Variants in HSCB observed in about 807,000 individuals in gnomAD.
The protein encoded by HSCB is iron-sulfur cluster co-chaperone protein HscB.
In HSCB, 23 loss-of-function variants were observed where a neutral mutation model predicts 31.3. The observed-to-expected ratio is 0.74, with a 90% CI of 0.53 to 1.04. The LOEUF (loss-of-function observed/expected upper bound fraction) is 1.04, where lower values mean the gene tolerates loss of function less well. HSCB is among the 50% of genes least tolerant of loss of function. The pLI is 0.00. For synonymous variants in HSCB, 110 were observed against 104.5 expected (o/e 1.05, Z -0.32); for missense variants, 297 against 288.1 (o/e 1.03, Z -0.22).
chr22:28,742,605 A>T, intron 1 of HSCB: 2 of 412,170 alleles, frequency 4.9e-6, no homozygotes, highest in Non-Finnish European at 4.4e-6. Context: ...GGCCGAGGCT[A>T]GAGGGGAGGG....
At chr22:28,749,733 G>A (rs2030088258) in intron 4 of HSCB, among the ~76,000 whole-genome samples, 2 of 152,118 alleles carry the variant, frequency 1.3e-5, no homozygotes, top group African/African-American at 4.8e-5. Flanking sequence ...TGGGTTGTAG[G>A]GATAAGAGAA....
Position 28,742,982 on chromosome 22 carries a change from T to C in HSCB, c.236+651T>C, listed in dbSNP as rs1424235051. ...TCTGGGAGTAGAATGTGAAAGGGGC[T>C]GAATTAAAATAAACCGGGAGAGACA... is the stretch of plus-strand genomic sequence containing the variant. On this transcript the variant is annotated intron_variant, in intron 1 of 5. Coordinates refer to ENST00000216027, the MANE Select transcript of HSCB (RefSeq NM_172002.5). 2.0e-5 allele frequency among the ~76,000 whole-genome samples: 3 copies of C among 151,906 alleles called. No individual in the cohort carries two copies. In the East Asian group the frequency reaches 5.8e-4, roughly 29 times the overall value.
At chr22:28,753,509 CAA>C (rs777896442) in intron 5 of HSCB, among the ~76,000 whole-genome samples, 20 of 149,056 alleles carry the variant, frequency 1.3e-4, no homozygotes, top group South Asian at 1.3e-3. Flanking sequence ...GCCTGGGCGA[CAA>C]GAGAAAAACT....
intron 2 of HSCB, 54 bp downstream of exon 2, chr22:28,744,032 C>A: frequency 7.7e-7 from 1 of 1,303,006 alleles, no homozygotes; most frequent in Non-Finnish European, 1.1e-6. Flanking sequence ...CACTGGGTGG[C>A]AGTAGCCTTG....
intron 5 of HSCB, among the ~76,000 whole-genome samples, chr22:28,752,303 C>T (rs540940789): frequency 5.3e-5 from 8 of 150,840 alleles, no homozygotes; most frequent in Non-Finnish European, 1.0e-4. Flanking sequence ...CGCAGTGGCG[C>T]GCCTGTAATC....
In HSCB at chr22:28,757,189, T is replaced by TA; in HGVS notation, c.*26dup. The TA allele has an allele frequency of 3.7e-6, 5 of 1,334,906 alleles. No individual in the cohort carries two copies. The highest frequency in any genetic ancestry group is 5.4e-6 in the Non-Finnish European group (5 of 930,902). 82.7% of individuals were successfully genotyped at this position (1,334,906 alleles called of 1,614,324 possible). On this transcript the variant is annotated 3_prime_UTR_variant, in exon 6 of 6. Transcript: ENST00000216027. ...CTTTAATTGTGGATAGTTTAAAGTT[T>TA]AAAAAATAAAGTTCTTGCTGGGCAC...
chr22:28,751,246 CAGAA>C lies in HSCB; in HGVS notation c.579_582del (p.Lys193AsnfsTer6), dbSNP rs759591862. On this transcript the variant is annotated frameshift_variant, in exon 5 of 6. Transcript: ENST00000216027. LOFTEE classifies it high-confidence loss of function. ...AGAATGGTTTTCTTTTTCAGCTAAACAGAAAGAATTTACTGACAATGTGAGCAGT... is the reference window on the plus strand; with the variant it reads ...AGAATGGTTTTCTTTTTCAGCTAAACAGAATTTACTGACAATGTGAGCAGT... 1.1e-5 allele frequency: 17 copies of C among 1,592,900 alleles called. No individual in the cohort carries two copies. Among genetic ancestry groups the C allele is most frequent in the East Asian group, 2.2e-5 (1 of 44,634 alleles).
At chr22:28,751,345 T>C (rs189435445) in intron 5 of HSCB, 57 bp downstream of exon 5, 13 of 1,021,292 alleles carry the variant, frequency 1.3e-5, no homozygotes, top group East Asian at 1.2e-4. Flanking sequence ...CACTGAAGCA[T>C]AGCCATTCAT....
At chr22:28,749,765 G>C (rs953740611) in intron 4 of HSCB, among the ~76,000 whole-genome samples, 1 of 152,106 alleles carries the variant, frequency 6.6e-6, no homozygotes, top group Non-Finnish European at 1.5e-5. Context: ...GCAGTCAGTG[G>C]GCTCAGCTGC....
intron 2 of HSCB, among the ~76,000 whole-genome samples, chr22:28,744,290 G>A (rs996450279): frequency 3.9e-5 from 6 of 152,210 alleles, no homozygotes; most frequent in African/African-American, 1.4e-4. Context: ...AGTGACTCAC[G>A]CCTGTAATCC....
chr22:28,744,766 GC>G, intron 3 of HSCB, 62 bp downstream of exon 3: 1 of 1,262,114 alleles, frequency 7.9e-7, no homozygotes. Context: ...GCGTAGGACA[GC>G]CACGTCCCCT....
intron 5 of HSCB, 60 bp downstream of exon 5, chr22:28,751,348 C>T: frequency 1.0e-6 from 1 of 991,442 alleles, no homozygotes; most frequent in Middle Eastern, 2.9e-4. Context: ...TGAAGCATAG[C>T]CATTCATTCA....
intron 5 of HSCB, among the ~76,000 whole-genome samples, chr22:28,752,498 G>T (rs1305668923): frequency 6.6e-6 from 1 of 151,654 alleles, no homozygotes; most frequent in Non-Finnish European, 1.5e-5. Context: ...ACTTTGAGAG[G>T]CTGAGGCTGG....
chr22:28,751,311 T>G, intron 5 of HSCB, 23 bp downstream of exon 5: 1 of 1,490,282 alleles, frequency 6.7e-7, no homozygotes, highest in South Asian at 1.2e-5. Flanking sequence ...CTTCACTTTC[T>G]TAAATATGGA....
intron 4 of HSCB, among the ~76,000 whole-genome samples, chr22:28,746,380 CAAAAAAAAAA>C (rs56751858): frequency 1.4e-5 from 1 of 71,572 alleles, no homozygotes; most frequent in East Asian, 4.1e-4. Flanking sequence ...GACTCCATCT[CAAAAAAAAAA>C]AAAAAAAAAA....
rs2030654468 is a variant in HSCB at position 28,757,091 on chromosome 22, A to T, written c.630A>T (p.Glu210Asp). 1 of 1,567,746 alleles carries T rather than the reference A, an allele frequency of 6.4e-7. No individual in the cohort carries two copies. Among genetic ancestry groups the T allele is most frequent in the African/African-American group, 1.4e-5 (1 of 73,948 alleles). Reference sequence around the variant, plus strand: ...TGTCTATTTCAGATGACTTTGAAGAAGCCAAGGAAATTTTGACAAAGATGA... The same window carrying T: ...TGTCTATTTCAGATGACTTTGAAGATGCCAAGGAAATTTTGACAAAGATGA... Reference protein sequence around the residue: ...SSAFEQDDFEEAKEILTKMRY... With the variant: ...SSAFEQDDFEDAKEILTKMRY... Residue 210 changes from glutamate to aspartate, a missense_variant, in exon 6 of 6, where the codon GAA becomes GAT. Transcript: ENST00000216027.
At chr22:28,743,236 C>T (rs1446081215) in intron 1 of HSCB, among the ~76,000 whole-genome samples, 5 of 151,856 alleles carry the variant, frequency 3.3e-5, no homozygotes, top group Admixed American at 1.3e-4. Context: ...CTGGCTAAGC[C>T]GACCTAACGG....
intron 5 of HSCB, among the ~76,000 whole-genome samples, chr22:28,753,298 G>A (rs1197892261): frequency 6.6e-6 from 1 of 151,868 alleles, no homozygotes; most frequent in East Asian, 1.9e-4. Context: ...GGCTGAGGCG[G>A]GCGGATCATT....
At chr22:28,751,119 C>T in intron 4 of HSCB, 122 bp from the exon 5 acceptor site, 3 of 633,362 alleles carry the variant, frequency 4.7e-6, no homozygotes, top group Non-Finnish European at 2.8e-6. Flanking sequence ...GAAGCCTTAC[C>T]CTTGAATACA....
Sources: gnomAD v4.1 joint callset for allele counts (sites outside exome capture counted in the v4.1 genomes callset) on GRCh38, gnomAD v4.1.1 for gene constraint, MANE v1.5 for transcripts, NCBI Gene and HGNC (gene_info 2026-07-23, HGNC 2026-07-21) for gene names.